Variants in BCL11A observed in about 807,000 individuals in gnomAD.
The protein encoded by BCL11A is BCL11 transcription factor A.
BCL11A carries 2 observed loss-of-function variants against 55.9 expected under a neutral mutation model. The observed-to-expected ratio is 0.04, with a 90% confidence interval of 0.01 to 0.11. BCL11A has a LOEUF of 0.11. BCL11A is among the 10% of genes least tolerant of loss of function. The pLI is 1.00. For missense variants in BCL11A, 817 were observed against 1,137.1 expected (o/e 0.72, Z 4.05); for synonymous variants, 465 against 473.4 (o/e 0.98, Z 0.23).
intron 2 of BCL11A, chr2:60,544,544 T>TA (rs1456157665): frequency 3.9e-5 from 6 of 152,074 alleles, no homozygotes; most frequent in Non-Finnish European, 7.4e-5. Context: ...CAGAAAGCAC[T>TA]AAAAAAAGAA....
At chr2:60,477,818 C>T (rs1047755071) in intron 2 of BCL11A, among the ~76,000 whole-genome samples, 6 of 152,078 alleles carry the variant, frequency 3.9e-5, no homozygotes, top group Non-Finnish European at 7.4e-5. Flanking sequence ...GGTCTGTGCA[C>T]GGAGAAGGGG....
intron 2 of BCL11A, among the ~76,000 whole-genome samples, chr2:60,501,405 T>G (rs1447255576): frequency 6.6e-6 from 1 of 152,070 alleles, no homozygotes; most frequent in East Asian, 1.9e-4. Flanking sequence ...GTAATATGAT[T>G]AATCACTTCC....
chr2:60,453,574 G>A (rs1002836133), downstream of BCL11A, among the ~76,000 whole-genome samples: 3 of 152,350 alleles, frequency 2.0e-5, no homozygotes, highest in East Asian at 1.9e-4. Context: ...GGCATGCTGC[G>A]TCCAGGTGGG....
At chr2:60,484,535 T>G in intron 2 of BCL11A, 1 of 152,176 alleles carries the variant, frequency 6.6e-6, no homozygotes, top group Admixed American at 6.5e-5. Flanking sequence ...ACAGCAGTGA[T>G]TGTGGAACAG....
intron 1 of BCL11A, among the ~76,000 whole-genome samples, chr2:60,550,454 A>G (rs1558527319): frequency 6.7e-6 from 1 of 149,890 alleles, no homozygotes; most frequent in Non-Finnish European, 1.5e-5. Flanking sequence ...ATCGCCGGGC[A>G]GGAGGTGGGG....
intron 2 of BCL11A, among the ~76,000 whole-genome samples, chr2:60,496,284 G>C (rs1215766409): frequency 3.7e-4 from 56 of 152,252 alleles, no homozygotes; most frequent in Non-Finnish European, 2.9e-5. Flanking sequence ...GGCTACCACA[G>C]ATGGGGGACA....
downstream of BCL11A, among the ~76,000 whole-genome samples, chr2:60,456,211 C>T (rs1474383443): frequency 1.3e-5 from 2 of 152,286 alleles, no homozygotes; most frequent in East Asian, 1.9e-4. Flanking sequence ...GACAACAGAA[C>T]GGCTTTTGTT....
At chr2:60,493,515 T>C (rs1026533886) in intron 2 of BCL11A, among the ~76,000 whole-genome samples, 6 of 152,020 alleles carry the variant, frequency 3.9e-5, no homozygotes, top group Non-Finnish European at 8.8e-5. Context: ...TAGAAACCTC[T>C]CCACTACACT....
downstream of BCL11A, among the ~76,000 whole-genome samples, chr2:60,453,841 A>G (rs1421687013): frequency 1.3e-5 from 2 of 152,184 alleles, no homozygotes; most frequent in African/African-American, 4.8e-5. Context: ...GAAAGATCTG[A>G]TACACGTGCT....
At chr2:60,452,916 G>A (rs1572939070), downstream of BCL11A, 2 of 441,236 alleles carry the variant, frequency 4.5e-6, no homozygotes, top group Non-Finnish European at 8.3e-6. Flanking sequence ...CCCCACCCCT[G>A]CCCAATTGTA....
Position 60,461,134 on chromosome 2 carries a change from T to C in BCL11A, c.1778A>G (p.Glu593Gly). 6.2e-7 allele frequency: 1 copy of C among 1,611,394 alleles called. No homozygotes were observed. Among genetic ancestry groups the C allele is most frequent in the East Asian group, 2.2e-5 (1 of 44,840 alleles). Residue 593 changes from glutamate (E) to glycine (G), a missense_variant, in exon 4 of 4, where the codon GAG becomes GGG. Physicochemically the swap from Glu to Gly is moderately conservative, Grantham distance 98. Coordinates refer to ENST00000642384, the MANE Select transcript of BCL11A (RefSeq NM_022893.4). ...DTCDEDSVAG[E>G]SDRIDDGTVN... The stretch of plus-strand genomic sequence containing the variant: ...AGTGCCATCGTCTATGCGGTCCGAC[T>C]CGCCGGCCACCGAGTCTTCGTCGCA...
chr2:60,505,139 C>A (rs985723978), intron 2 of BCL11A, among the ~76,000 whole-genome samples: 18 of 151,830 alleles, frequency 1.2e-4, no homozygotes, highest in African/African-American at 4.4e-4. Context: ...CCTCAAAGGG[C>A]TTACTCAAAA....
Position 60,461,793 on chromosome 2 carries a change from C to T in BCL11A, c.1119G>A (p.Pro373=), listed in dbSNP as rs147757821. The T allele has an allele frequency of 2.7e-3, 2,699 of 1,016,548 alleles. 9 individuals are homozygous for T. The Middle Eastern group carries it at 0.029, about 11-fold the overall frequency. 63.0% of individuals were successfully genotyped at this position (1,016,548 alleles called of 1,614,324 possible). Residue 373 remains proline, a synonymous_variant, in exon 4 of 4, where the codon CCG becomes CCA. Transcript: ENST00000642384. The stretch of plus-strand genomic sequence containing the variant: ...AGAACTCGCATGACTTGGACTTGAC[C>T]GGGGGCTGGGAGGGAGGAGGGGCGG... ...LQSAPPPSQP[P]VKSKSCEFCG...
intron 3 of BCL11A, among the ~76,000 whole-genome samples, chr2:60,464,778 T>C (rs1367629361): frequency 6.6e-6 from 1 of 152,218 alleles, no homozygotes; most frequent in African/African-American, 2.4e-5. Flanking sequence ...TTTGCTGCCC[T>C]GAGCATCCTA....
At chr2:60,527,022 C>T (rs1669233386) in intron 2 of BCL11A, 1 of 152,230 alleles carries the variant, frequency 6.6e-6, no homozygotes, top group Non-Finnish European at 1.5e-5. Context: ...TCTGAGGTCT[C>T]CCCGGTTATG....
At chr2:60,483,195 C>T (rs1229213550) in intron 2 of BCL11A, among the ~76,000 whole-genome samples, 1 of 152,166 alleles carries the variant, frequency 6.6e-6, no homozygotes, top group Admixed American at 6.5e-5. Flanking sequence ...TGCTACACTT[C>T]CTGAACAATG....
intron 2 of BCL11A, among the ~76,000 whole-genome samples, chr2:60,521,646 C>T (rs1450544820): frequency 3.3e-5 from 5 of 152,230 alleles, no homozygotes; most frequent in African/African-American, 4.8e-5. Flanking sequence ...TAACCCTTGA[C>T]GTGTTCTTTG....
intron 3 of BCL11A, among the ~76,000 whole-genome samples, chr2:60,463,982 A>G (rs1341511501): frequency 6.6e-6 from 1 of 152,098 alleles, no homozygotes; most frequent in African/African-American, 2.4e-5. Context: ...AATCAATTAT[A>G]TGATGCCTCC....
chr2:60,529,789 G>A (rs528769306), intron 2 of BCL11A, among the ~76,000 whole-genome samples: 3 of 152,188 alleles, frequency 2.0e-5, no homozygotes, highest in African/African-American at 7.2e-5. Flanking sequence ...GCCTTTTCAA[G>A]TCTATGATGG....
Sources: gnomAD v4.1 joint callset for allele counts (sites outside exome capture counted in the v4.1 genomes callset) on GRCh38, gnomAD v4.1.1 for gene constraint, MANE v1.5 for transcripts, NCBI Gene and HGNC (gene_info 2026-07-23, HGNC 2026-07-21) for gene names.